ABHD4: variants seen among roughly 807,000 people sequenced by gnomAD.
ABHD4 encodes abhydrolase domain containing 4, N-acyl phospholipase B.
ABHD4 carries 35 observed loss-of-function variants against 42.3 expected under a neutral mutation model. The observed-to-expected ratio is 0.83, with a 90% CI of 0.63 to 1.10. The LOEUF is 1.10. ABHD4 is among the 50% of genes least tolerant of loss of function. The pLI, the probability that ABHD4 is intolerant of heterozygous loss-of-function variation, is 0.00. For missense variants in ABHD4, 389 were observed against 454.8 expected (o/e 0.86, Z 1.32); for synonymous variants, 169 against 170.6 (o/e 0.99, Z 0.07).
In ABHD4 at chr14:22,603,631, G is replaced by C. The variant is rs1351478599; in HGVS notation, c.354G>C (p.Glu118Asp). 1 of 1,614,056 alleles carries C rather than the reference G, an allele frequency of 6.2e-7. No homozygotes were observed. Among genetic ancestry groups the C allele is most frequent in the Non-Finnish European group, 8.5e-7 (1 of 1,180,038 alleles). The change falls in exon 3 of 7, where the codon GAG (glutamate) becomes GAC (aspartate). Residue 118 changes from glutamate (E) to aspartate (D), a missense_variant. Physicochemically the swap from Glu to Asp is conservative, Grantham distance 45 (BLOSUM62 2). Coordinates refer to ENST00000428304, the MANE Select transcript of ABHD4 (RefSeq NM_022060.3). ...GGCCAGCATTCCCAAGGGACCCGGA[G>C]GGGGCTGAGGATGAGTTTGTGACAT... ...SSRPAFPRDP[E>D]GAEDEFVTSI...
At chr14:22,604,150 T>G in intron 4 of ABHD4, 71 bp downstream of exon 4, 8 of 1,547,496 alleles carry the variant, frequency 5.2e-6, no homozygotes, top group Non-Finnish European at 6.2e-6. Context: ...TCTTTCCCAC[T>G]TATTCCTAAA....
chr14:22,599,527 G>A (rs183310795), intron 1 of ABHD4, among the ~76,000 whole-genome samples: 14 of 152,216 alleles, frequency 9.2e-5, no homozygotes, highest in Admixed American at 7.9e-4. Context: ...CTTACCTCCC[G>A]CATAGTTTTG....
chr14:22,602,761 T>C (rs2037300918), intron 2 of ABHD4, among the ~76,000 whole-genome samples: 1 of 152,208 alleles, frequency 6.6e-6, no homozygotes, highest in African/African-American at 2.4e-5. Context: ...GTAAATGTGA[T>C]TGGAGTTGAA....
At chr14:22,607,007 T>G (rs943982361) in intron 5 of ABHD4, among the ~76,000 whole-genome samples, 2 of 152,212 alleles carry the variant, frequency 1.3e-5, no homozygotes, top group Admixed American at 6.5e-5. Flanking sequence ...CATGTACCAT[T>G]TCTTCAGAGG....
chr14:22,601,750 T>G lies in ABHD4; in HGVS notation c.107T>G (p.Leu36Arg), dbSNP rs1464251398. 3.1e-6 allele frequency: 5 copies of G among 1,614,018 alleles called. No homozygotes were observed. Among genetic ancestry groups the G allele is most frequent in the Non-Finnish European group, 4.2e-6 (5 of 1,179,926 alleles). The change falls in exon 2 of 7, where the codon CTC (leucine) becomes CGC (arginine). Residue 36 changes from leucine to arginine, a missense_variant. Physicochemically the swap from Leu to Arg is moderately radical, Grantham distance 102. Transcript: ENST00000428304. ...CTGAAGAATGTGGAAGCCAGGATCC[T>G]CCAGTGTAAGTAGAATGGACAGCTT... ...SQLKNVEARI[L>R]QCLQNKFLAR...
rs558376265 is a variant in ABHD4, at chr14:22,610,552, G to A, written c.940-307G>A. ...CCCTCTCCGCCATGTGCCAATGAGT[G>A]TGCTTAATGAGGCTGGGTGCCAACC... On this transcript the variant is annotated intron_variant, in intron 6 of 6. Coordinates refer to ENST00000428304, the MANE Select transcript of ABHD4 (RefSeq NM_022060.3). Among the ~76,000 whole-genome samples the A allele has an allele frequency of 2.6e-5, 4 of 152,264 alleles. No homozygotes were observed. In the South Asian group the frequency reaches 8.3e-4, roughly 32 times the overall value.
At position 22,598,441 on chromosome 14, in the gene ABHD4, A is replaced by T. The variant is rs762639108; in HGVS notation, c.23+112A>T. The T allele has an allele frequency of 5.7e-5, 82 of 1,443,014 alleles. 1 individual carries two copies. The South Asian group carries it at 9.7e-4, about 17-fold the overall frequency. The allele number at this position is 1,443,014 out of a possible 1,614,324, so 89.4% of individuals were successfully genotyped here. A position where few individuals can be genotyped will look rare whatever the true frequency, so the allele number is the denominator to read the frequency against. On this transcript the variant is annotated intron_variant, in intron 1 of 6. Transcript: ENST00000428304. The stretch of plus-strand genomic sequence containing the variant: ...GACACCTTCCCGCTCTTCCTTTTCC[A>T]GGTCGGCCTCCGGGGAGGGCGGGGG...
At chr14:22,600,764 G>A (rs2037272927) in intron 1 of ABHD4, among the ~76,000 whole-genome samples, 1 of 151,806 alleles carries the variant, frequency 6.6e-6, no homozygotes, top group African/African-American at 2.4e-5. Flanking sequence ...CTCAAAGACA[G>A]GTTATTTAAT....
intron 1 of ABHD4, among the ~76,000 whole-genome samples, chr14:22,601,030 A>G (rs2037278954): frequency 6.6e-6 from 1 of 152,192 alleles, no homozygotes; most frequent in South Asian, 2.1e-4. Flanking sequence ...TCTAGAAAAC[A>G]AGACCAGAGG....
Position 22,611,171 on chromosome 14 carries a change from G to T in ABHD4, c.*223G>T. ...GGCCTTGAGTGCCACCCCCAGGGAA[G>T]AACATAAAGGGTTGCACAATGCCAC... On this transcript the variant is annotated 3_prime_UTR_variant, in exon 7 of 7. Coordinates refer to ENST00000428304, the MANE Select transcript of ABHD4 (RefSeq NM_022060.3). 1.8e-6 allele frequency: 1 copy of T among 546,626 alleles called. No homozygotes were observed. Among genetic ancestry groups the T allele is most frequent in the South Asian group, 2.1e-5 (1 of 46,648 alleles). 33.9% of individuals were successfully genotyped at this position (546,626 alleles called of 1,614,324 possible).
chr14:22,603,857 G>C, intron 3 of ABHD4, 68 bp from the exon 4 acceptor site: 2 of 1,594,074 alleles, frequency 1.3e-6, no homozygotes, highest in Non-Finnish European at 1.7e-6. Flanking sequence ...ATTCCCAGGC[G>C]ATTTAAGGGG....
chr14:22,605,019 T>G (rs2037333228), intron 4 of ABHD4, among the ~76,000 whole-genome samples: 1 of 152,152 alleles, frequency 6.6e-6, no homozygotes, highest in Non-Finnish European at 1.5e-5. Flanking sequence ...AACCAAAGCC[T>G]CCAACATAAC....
At position 22,603,945 on chromosome 14, in the gene ABHD4, T is replaced by G. The variant is rs774526443; in HGVS notation, c.506T>G (p.Val169Gly). ...CATAGAGTTAAACACCTCATCCTGG[T>G]GGACCCATGGGGCTTTCCCCTCCGA... ...YPDRVKHLILVDPWGFPLRPT... is the reference protein window; with the variant it reads ...YPDRVKHLILGDPWGFPLRPT... Residue 169 changes from valine to glycine, a missense_variant, in exon 4 of 7, where the codon GTG becomes GGG. This residue lies in a region of ABHD4 where 249 missense variants were observed against 254.4 expected (regional missense o/e 0.98). Transcript: ENST00000428304. 31 of 1,614,118 alleles carry G rather than the reference T, an allele frequency of 1.9e-5. No individual in the cohort carries two copies. Among genetic ancestry groups the G allele is most frequent in the Non-Finnish European group, 2.6e-5 (31 of 1,180,038 alleles).
At position 22,610,026 on chromosome 14, in the gene ABHD4, G is replaced by A. The variant is rs2037393865; in HGVS notation, c.939+116G>A. ...GGAATGGACAGACTGAGATAGAGCA[G>A]TAGATTTGAGAAGTTTGGAAACTCT... On this transcript the variant is annotated intron_variant, in intron 6 of 6. Coordinates refer to ENST00000428304, the MANE Select transcript of ABHD4 (RefSeq NM_022060.3). 6.3e-6 allele frequency: 6 copies of A among 951,490 alleles called. No homozygotes were observed. In the East Asian group the frequency reaches 1.6e-4, roughly 26 times the overall value. The allele number at this position is 951,490 out of a possible 1,614,324, so 58.9% of individuals were successfully genotyped here. A position where few individuals can be genotyped will look rare whatever the true frequency, so the allele number is the denominator to read the frequency against.
intron 3 of ABHD4, 58 bp from the exon 4 acceptor site, chr14:22,603,867 G>T: frequency 6.2e-7 from 1 of 1,601,702 alleles, no homozygotes; most frequent in Non-Finnish European, 8.5e-7. Flanking sequence ...GATTTAAGGG[G>T]CTATGGCAAC....
At chr14:22,601,548 C>G in intron 1 of ABHD4, 119 bp from the exon 2 acceptor site, 2 of 881,194 alleles carry the variant, frequency 2.3e-6, no homozygotes, top group Non-Finnish European at 3.7e-6. Context: ...GGGGGCAGGT[C>G]TCTCAAGGCT....
chr14:22,598,505 C>A, intron 1 of ABHD4, 176 bp downstream of exon 1: 1 of 1,527,674 alleles, frequency 6.5e-7, no homozygotes, highest in South Asian at 1.2e-5. Flanking sequence ...CCAGAAGAGG[C>A]AGCGGCTGAG....
Position 22,603,578 on chromosome 14 carries a change from G to C in ABHD4, c.301G>C (p.Asp101His). ...TGCCCGCCGCACACTGCACACCTTC[G>C]ATCTGCTTGGCTTCGGGCGAAGCTC... ...LSARRTLHTF[D>H]LLGFGRSSRP... The change falls in exon 3 of 7, where the codon GAT (aspartate) becomes CAT (histidine). Residue 101 changes from aspartate to histidine, a missense_variant. Physicochemically the swap from Asp to His is moderately conservative, Grantham distance 81. This residue lies in a region of ABHD4 where 38 missense variants were observed against 72.1 expected (regional missense o/e 0.53). Transcript: ENST00000428304. The C allele has an allele frequency of 6.2e-7, 1 of 1,614,136 alleles. No individual in the cohort carries two copies. Among genetic ancestry groups the C allele is most frequent in the Non-Finnish European group, 8.5e-7 (1 of 1,180,036 alleles).
rs1594891831 is a variant in ABHD4 at position 22,604,287 on chromosome 14, G to C, written c.640+208G>C. The C allele has an allele frequency of 1.0e-5, 6 of 592,828 alleles. No individual in the cohort carries two copies. In the East Asian group the frequency reaches 1.9e-4, roughly 19 times the overall value. The allele number at this position is 592,828 out of a possible 1,614,324, so 36.7% of individuals were successfully genotyped here. ...TTTTTTTGAGACAAAGTCTCGCTCT[G>C]TCACCCAGGCTGGAGTGCAGTGGTG... On this transcript the variant is annotated intron_variant, in intron 4 of 6. Coordinates refer to ENST00000428304, the MANE Select transcript of ABHD4 (RefSeq NM_022060.3).
Sources: gnomAD v4.1 joint callset for allele counts (sites outside exome capture counted in the v4.1 genomes callset) on GRCh38, gnomAD v4.1.1 for gene constraint, gnomAD v4.1.1 regional missense constraint, MANE v1.5 for transcripts, NCBI Gene and HGNC (gene_info 2026-07-23, HGNC 2026-07-21) for gene names.